The following CELSR2 variants were observed in gnomAD, a reference collection of about 807,000 sequenced individuals.
CELSR2 encodes the protein EGF-like protein 2.
CELSR2 carries 81 observed loss-of-function variants against 251.6 expected under a neutral mutation model. The observed-to-expected ratio is 0.32, with a 90% confidence interval of 0.27 to 0.39. CELSR2 has a LOEUF of 0.39. Ranked by LOEUF, CELSR2 falls within the 10% of genes least tolerant of loss-of-function variation. CELSR2 has a pLI of 1.00. For synonymous variants in CELSR2, 1,721 were observed against 1,670.5 expected (o/e 1.03, Z -0.74); for missense variants, 3,365 against 3,947.7 (o/e 0.85, Z 3.96).
At position 109,249,808 on chromosome 1, in the gene CELSR2, G is replaced by A. The variant is rs1487572696; in HGVS notation, c.-272G>A. Among the ~76,000 whole-genome samples, 1 of 149,956 alleles carries A rather than the reference G, an allele frequency of 6.7e-6. No homozygotes were observed. Among genetic ancestry groups the A allele is most frequent in the East Asian group, 1.9e-4 (1 of 5,146 alleles). On this transcript the variant is annotated 5_prime_UTR_variant, in exon 1 of 34. Transcript: ENST00000271332. ...GGGCCCCCGGGCGCAGGTGGTGAGT[G>A]CCCGGAGCGCAGGTGGAGGCGCGGC...
chr1:109,271,497 C>T lies in CELSR2; in HGVS notation c.7788C>T (p.Thr2596=), dbSNP rs199953383. ...TCCTCTTCCACTACCTCTTTGCTAC[C>T]TGCAATTGCATCCAGGTACCTGGCC... is the stretch of plus-strand genomic sequence containing the variant. ...DTLLFHYLFA[T]CNCIQGPFIF... is the part of the protein sequence containing the mutation. The change falls in exon 27 of 34, where the codon ACC becomes ACT. Residue 2596 remains threonine (T), a synonymous_variant. Coordinates refer to ENST00000271332, the MANE Select transcript of CELSR2 (RefSeq NM_001408.3). 51 of 1,614,084 alleles carry T rather than the reference C, an allele frequency of 3.2e-5. No homozygotes were observed. In the Middle Eastern group the frequency reaches 8.2e-4, roughly 26 times the overall value.
At position 109,272,451 on chromosome 1, in the gene CELSR2, C is replaced by T. The variant is rs201026324; in HGVS notation, c.8054+46C>T. On this transcript the variant is annotated intron_variant, in intron 29 of 33. Coordinates refer to ENST00000271332, the MANE Select transcript of CELSR2 (RefSeq NM_001408.3). ...GGTGGAGGAGGGGAGGAGGGGCCCA[C>T]GCATGCTGGACCCAGGCCAGCCAGC... 124 of 1,578,960 alleles carry T rather than the reference C, an allele frequency of 7.9e-5. No homozygotes were observed. The East Asian group carries it at 2.4e-3, about 31-fold the overall frequency.
chr1:109,262,749 C>T lies in CELSR2; in HGVS notation c.4545-57C>T, dbSNP rs982029405. ...GTCTCTGGCCTGGCGGCAGAGCGAG[C>T]GGAGGACCAGAAGCTCCCAGCCCTC... On this transcript the variant is annotated intron_variant, in intron 6 of 33. Transcript: ENST00000271332. 2.7e-5 allele frequency: 43 copies of T among 1,586,736 alleles called. 2 individuals carry two copies. The South Asian group carries it at 4.3e-4, about 16-fold the overall frequency.
intron 1 of CELSR2, among the ~76,000 whole-genome samples, chr1:109,255,249 T>C (rs1655813578): frequency 6.6e-6 from 1 of 152,218 alleles, no homozygotes; most frequent in Non-Finnish European, 1.5e-5. Flanking sequence ...TCTTTGTCTC[T>C]TCTTTCTTTC....
In CELSR2 at chr1:109,250,425, C is replaced by T; in HGVS notation, c.346C>T (p.Leu116Phe). The change falls in exon 1 of 34, where the codon CTC becomes TTC. Residue 116 changes from leucine (L) to phenylalanine (F), a missense_variant. By Grantham distance (22) the Leu-to-Phe change is conservative. Around this residue, in one of 5 missense-constraint regions of CELSR2, gnomAD observed 704 missense variants for 784.1 expected, o/e 0.90. Coordinates refer to ENST00000271332, the MANE Select transcript of CELSR2 (RefSeq NM_001408.3). The surrounding 1 kb of genome is among the most constrained non-coding windows in gnomAD (Gnocchi z 4.4). ...TGAAGGCTGCCCCTGGAGCTGTCGC[C>T]TCCTGGGCATTGGAGGCCACCTTTC... is the stretch of plus-strand genomic sequence containing the variant. The part of the protein sequence containing the change: ...APEGCPWSCR[L>F]LGIGGHLSPQ... The T allele has an allele frequency of 6.2e-7, 1 of 1,613,734 alleles. No homozygotes were observed. The highest frequency in any genetic ancestry group is 8.5e-7 in the Non-Finnish European group (1 of 1,180,022).
At chr1:109,264,013 C>G in intron 9 of CELSR2, 65 bp from the exon 10 acceptor site, 1 of 1,511,868 alleles carries the variant, frequency 6.6e-7, no homozygotes, top group Non-Finnish European at 8.9e-7. Flanking sequence ...GAAAGGGGAA[C>G]TGTGAGCTGG....
rs542391904 is a variant in CELSR2, at chr1:109,264,067, C to T, written c.5002-11C>T. The stretch of plus-strand genomic sequence containing the variant: ...GTCTGCTGACCCTGTTTTCTTTCCT[C>T]CTGGTGTCAGCTACGAGAGGGCCAC... On this transcript the variant is annotated splice_polypyrimidine_tract_variant and intron_variant, in intron 9 of 33. Transcript: ENST00000271332. 179 of 1,561,676 alleles carry T rather than the reference C, an allele frequency of 1.1e-4. 5 individuals are homozygous for T. The South Asian group carries it at 2.0e-3, about 17-fold the overall frequency.
chr1:109,263,084 A>C, intron 7 of CELSR2, 58 bp from the exon 8 acceptor site: 1 of 1,580,096 alleles, frequency 6.3e-7, no homozygotes, highest in Non-Finnish European at 8.6e-7. Context: ...CTGCTGCCAC[A>C]GGCTTTCTCT....
Position 109,269,060 on chromosome 1 carries a change from G to A in CELSR2, c.6632-50G>A. 1 of 1,599,196 alleles carries A rather than the reference G, an allele frequency of 6.3e-7. No individual in the cohort carries two copies. The highest frequency in any genetic ancestry group is 8.5e-7 in the Non-Finnish European group (1 of 1,169,728). On this transcript the variant is annotated intron_variant, in intron 19 of 33. Transcript: ENST00000271332. This position sits in a 1 kb window ranked among gnomAD's most constrained non-coding sequence, Gnocchi z 6.4. ...GGAGCTGGACCCCAGTGTCTGTGCA[G>A]ACTCCACAGAGAGCAGGGCCCAGCT...
chr1:109,271,459 A>G lies in CELSR2; in HGVS notation c.7750A>G (p.Asn2584Asp), dbSNP rs1261580646. 1 of 1,613,892 alleles carries G rather than the reference A, an allele frequency of 6.2e-7. No individual in the cohort carries two copies. The highest frequency in any genetic ancestry group is 8.5e-7 in the Non-Finnish European group (1 of 1,180,008). ...GTGGCTGCTGGCACTGCTCTCTGTC[A>G]ACAGCGACACCCTCCTCTTCCACTA... Reference protein sequence around the residue: ...ATWLLALLSVNSDTLLFHYLF... With the variant: ...ATWLLALLSVDSDTLLFHYLF... Residue 2584 changes from asparagine to aspartate, a missense_variant, in exon 27 of 34, where the codon AAC becomes GAC. This residue lies in a region of CELSR2 where 2,093 missense variants were observed against 2,382.8 expected (regional missense o/e 0.88). Transcript: ENST00000271332.
At position 109,268,884 on chromosome 1, in the gene CELSR2, C is replaced by T; in HGVS notation, c.6507C>T (p.Ile2169=). ...PFTIVTPNIV[I]SVVRLDKGNF... ...TGTGACCATCCCCTTCCTTAGTCATCTCCGTAGTGCGCTTGGACAAAGGGA... is the reference window on the plus strand; with the variant it reads ...TGTGACCATCCCCTTCCTTAGTCATTTCCGTAGTGCGCTTGGACAAAGGGA... Residue 2169 remains isoleucine, a synonymous_variant, in exon 19 of 34, where the codon ATC becomes ATT. Coordinates refer to ENST00000271332, the MANE Select transcript of CELSR2 (RefSeq NM_001408.3). 1 of 1,605,928 alleles carries T rather than the reference C, an allele frequency of 6.2e-7. No individual in the cohort carries two copies. Among genetic ancestry groups the T allele is most frequent in the Non-Finnish European group, 8.5e-7 (1 of 1,173,692 alleles).
In CELSR2 at chr1:109,269,475, T is replaced by C; in HGVS notation, c.6864T>C (p.His2288=). The stretch of plus-strand genomic sequence containing the variant: ...CACCCGTGGTGAGCATCAGCGTCCA[T>C]GATGATGAGGAGCTTCTGCCCCGGG... ...INTPVVSISV[H]DDEELLPRAL... is the part of the protein sequence containing the mutation. The change falls in exon 21 of 34, where the codon CAT becomes CAC. Residue 2288 remains histidine (H), a synonymous_variant. Transcript: ENST00000271332. The surrounding 1 kb of genome is among the most constrained non-coding windows in gnomAD (Gnocchi z 6.4). The C allele has an allele frequency of 1.2e-6, 2 of 1,614,048 alleles. No homozygotes were observed. The highest frequency in any genetic ancestry group is 1.7e-6 in the Non-Finnish European group (2 of 1,179,990).
At position 109,264,513 on chromosome 1, in the gene CELSR2, G is replaced by A; in HGVS notation, c.5349G>A (p.Glu1783=). The part of the protein sequence containing the change: ...GVNSLDPSHG[E]SINVEQGCSL... ...ACAGCCTGGATCCCAGCCATGGGGA[G>A]AGCATCAACGTGGAGCAAGGCTGTA... The change falls in exon 11 of 34, where the codon GAG becomes GAA. Residue 1783 remains glutamate, a synonymous_variant. Transcript: ENST00000271332. 2.5e-6 allele frequency: 4 copies of A among 1,614,144 alleles called. No individual in the cohort carries two copies. The East Asian group carries it at 8.9e-5, about 36-fold the overall frequency.
chr1:109,251,036 T>A lies in CELSR2; in HGVS notation c.957T>A (p.Pro319=). 1 of 1,613,424 alleles carries A rather than the reference T, an allele frequency of 6.2e-7. No individual in the cohort carries two copies. Among genetic ancestry groups the A allele is most frequent in the Non-Finnish European group, 8.5e-7 (1 of 1,179,912 alleles). The change falls in exon 1 of 34, where the codon CCT becomes CCA. Residue 319 remains proline, a synonymous_variant. Coordinates refer to ENST00000271332, the MANE Select transcript of CELSR2 (RefSeq NM_001408.3). This position sits in a 1 kb window ranked among gnomAD's most constrained non-coding sequence, Gnocchi z 4.9. ...TCAGGGCCACGGATGGTGATGCCCC[T>A]CCCAATGCCAATATTCTGTACCGCC... ...LTVRATDGDA[P]PNANILYRLL... is the part of the protein sequence containing the mutation.
chr1:109,266,730 T>A (rs1656206255), intron 15 of CELSR2, among the ~76,000 whole-genome samples: 1 of 144,658 alleles, frequency 6.9e-6, no homozygotes, highest in Admixed American at 6.9e-5. Flanking sequence ...ACTTTTTTTT[T>A]TTTTTTTTGA....
chr1:109,268,446 A>C, intron 17 of CELSR2, 135 bp from the exon 18 acceptor site: 1 of 1,198,476 alleles, frequency 8.3e-7, no homozygotes, highest in Non-Finnish European at 1.1e-6. Context: ...GGAGCATTTC[A>C]GGGGAGGCAA....
At position 109,251,680 on chromosome 1, in the gene CELSR2, C is replaced by T. The variant is rs752552428; in HGVS notation, c.1601C>T (p.Ala534Val). The part of the protein sequence containing the change: ...VLHVQAIDAD[A>V]GDNARLEYRL... ...CATGTCCAGGCTATCGACGCTGATGCTGGTGACAATGCCCGCCTGGAATAC... is the reference window on the plus strand; with the variant it reads ...CATGTCCAGGCTATCGACGCTGATGTTGGTGACAATGCCCGCCTGGAATAC... Residue 534 changes from alanine to valine, a missense_variant, in exon 1 of 34, where the codon GCT becomes GTT. Physicochemically the swap from Ala to Val is moderately conservative, Grantham distance 64. Around this residue, in one of 5 missense-constraint regions of CELSR2, gnomAD observed 704 missense variants for 784.1 expected, o/e 0.90. Coordinates refer to ENST00000271332, the MANE Select transcript of CELSR2 (RefSeq NM_001408.3). This position sits in a 1 kb window ranked among gnomAD's most constrained non-coding sequence, Gnocchi z 4.9. 1.4e-5 allele frequency: 22 copies of T among 1,613,998 alleles called. No individual in the cohort carries two copies. The highest frequency in any genetic ancestry group is 1.8e-5 in the Non-Finnish European group (21 of 1,180,046).
rs201589545 is a variant in CELSR2, at chr1:109,273,254, G to A, written c.8427G>A (p.Glu2809=). 2.5e-6 allele frequency: 4 copies of A among 1,612,102 alleles called. No homozygotes were observed. The highest frequency in any genetic ancestry group is 8.5e-7 in the Non-Finnish European group (1 of 1,179,146). The change falls in exon 32 of 34, where the codon GAG becomes GAA. Residue 2809 remains glutamate, a synonymous_variant. Transcript: ENST00000271332. ...GTAGTGGCAACGGGGCCCCTGAGGA[G>A]CGGCTGCGGGAGAATGGAGATGCCC... ...KESSGNGAPE[E]RLRENGDALS...
At chr1:109,266,332 A>G in intron 15 of CELSR2, 126 bp downstream of exon 15, 1 of 1,104,622 alleles carries the variant, frequency 9.1e-7, no homozygotes, top group Non-Finnish European at 1.3e-6. Flanking sequence ...CTGGGATTTC[A>G]TTTCCCATCT....
Sources: allele counts gnomAD v4.1 joint callset (sites outside exome capture counted in the v4.1 genomes callset), GRCh38; gene constraint gnomAD v4.1.1; regional missense constraint gnomAD v4.1.1; non-coding constraint Gnocchi (gnomAD v3.1); transcripts MANE v1.5; gene names NCBI Gene and HGNC (gene_info 2026-07-23, HGNC 2026-07-21).